GAREM1: variants seen among roughly 807,000 people sequenced by gnomAD.
GAREM1 encodes the protein GRB2-associated and regulator of MAPK protein 1.
Under a neutral mutation model 71.3 loss-of-function variants are expected in GAREM1, and 26 were observed. That is an observed-to-expected ratio of 0.36 (90% CI 0.27 to 0.51). The LOEUF (loss-of-function observed/expected upper bound fraction) is 0.51, where lower values mean the gene tolerates loss of function less well. Ranked by LOEUF, GAREM1 falls within the 20% of genes least tolerant of loss-of-function variation. GAREM1 has a pLI of 0.95. For missense variants in GAREM1, 1,026 were observed against 1,103.1 expected (o/e 0.93, Z 0.99); for synonymous variants, 440 against 433.2 (o/e 1.02, Z -0.20).
intron 4 of GAREM1, among the ~76,000 whole-genome samples, chr18:32,286,675 C>G (rs2047020864): frequency 1.3e-5 from 2 of 152,162 alleles, no homozygotes; most frequent in Admixed American, 1.3e-4. Flanking sequence ...CAGCCACTAC[C>G]AGCTGCCACG....
At chr18:32,360,407 T>C (rs1000738248) in intron 2 of GAREM1, among the ~76,000 whole-genome samples, 49 of 152,268 alleles carry the variant, frequency 3.2e-4, no homozygotes, top group Non-Finnish European at 6.0e-4. Context: ...CCAGTTCTCA[T>C]TTAAGAGGAA....
intron 3 of GAREM1, among the ~76,000 whole-genome samples, chr18:32,297,419 T>C (rs1034926159): frequency 1.3e-5 from 2 of 152,216 alleles, no homozygotes; most frequent in Non-Finnish European, 2.9e-5. Context: ...GCTTGGCACA[T>C]GGTAGGCTCT....
At chr18:32,431,127 T>A (rs1024215225) in intron 1 of GAREM1, among the ~76,000 whole-genome samples, 8 of 152,014 alleles carry the variant, frequency 5.3e-5, no homozygotes, top group African/African-American at 1.9e-4. Flanking sequence ...GGTTACTGAG[T>A]GGTGCACACA....
At chr18:32,346,586 G>C (rs1261664545) in intron 2 of GAREM1, among the ~76,000 whole-genome samples, 1 of 152,078 alleles carries the variant, frequency 6.6e-6, no homozygotes, top group African/African-American at 2.4e-5. Flanking sequence ...CAAAGGATTT[G>C]GGCTCTCCTT....
intron 1 of GAREM1, among the ~76,000 whole-genome samples, chr18:32,410,896 G>A (rs748769978): frequency 5.9e-5 from 9 of 152,082 alleles, no homozygotes; most frequent in Non-Finnish European, 1.0e-4. Context: ...TCCGTCTCCC[G>A]GGTTCAAGCG....
intron 2 of GAREM1, among the ~76,000 whole-genome samples, chr18:32,356,498 T>C (rs2047806973): frequency 6.6e-6 from 1 of 152,250 alleles, no homozygotes; most frequent in Admixed American, 6.5e-5. Context: ...TAATTATTTA[T>C]TATTCTGCTC....
At chr18:32,278,521 C>T (rs1270949687) in intron 4 of GAREM1, among the ~76,000 whole-genome samples, 2 of 152,126 alleles carry the variant, frequency 1.3e-5, no homozygotes, top group Admixed American at 6.5e-5. Flanking sequence ...ATTTTCTTCC[C>T]TAAAAAGCCA....
At chr18:32,304,137 T>C (rs749946419) in intron 3 of GAREM1, among the ~76,000 whole-genome samples, 2 of 151,288 alleles carry the variant, frequency 1.3e-5, no homozygotes, top group African/African-American at 4.9e-5. Flanking sequence ...CGAAACCCCA[T>C]CTCTACTAAA....
chr18:32,320,059 C>T (rs2047414989), intron 2 of GAREM1, among the ~76,000 whole-genome samples: 2 of 152,132 alleles, frequency 1.3e-5, no homozygotes, highest in South Asian at 4.1e-4. Context: ...AGGGTAAATG[C>T]ATTTTTATTC....
chr18:32,431,287 T>A (rs2048622019), intron 1 of GAREM1, among the ~76,000 whole-genome samples: 1 of 152,156 alleles, frequency 6.6e-6, no homozygotes, highest in Non-Finnish European at 1.5e-5. Flanking sequence ...TGGTCTAATA[T>A]TCATGCTATA....
chr18:32,272,494 C>T (rs2041476819), intron 4 of GAREM1, among the ~76,000 whole-genome samples: 1 of 152,144 alleles, frequency 6.6e-6, no homozygotes, highest in Non-Finnish European at 1.5e-5. Context: ...GCAGGCTTTC[C>T]CCTTGTGAGC....
At chr18:32,381,819 A>C (rs576951238) in intron 2 of GAREM1, among the ~76,000 whole-genome samples, 1 of 151,660 alleles carries the variant, frequency 6.6e-6, no homozygotes, top group Non-Finnish European at 1.5e-5. Context: ...TCTCCTAAAT[A>C]CTCCTTCCCC....
chr18:32,385,490 G>A (rs988624246), intron 2 of GAREM1, among the ~76,000 whole-genome samples: 12 of 151,932 alleles, frequency 7.9e-5, no homozygotes, highest in African/African-American at 2.9e-4. Context: ...GGGCTCCCCT[G>A]GAATCTCTTC....
At chr18:32,393,076 A>G in intron 1 of GAREM1, 41 bp from the exon 2 acceptor site, 1 of 1,588,750 alleles carries the variant, frequency 6.3e-7, no homozygotes, top group Non-Finnish European at 8.6e-7. Flanking sequence ...AGAATTCATA[A>G]TCTGCTTTCT....
chr18:32,301,618 C>G (rs2047203147), intron 3 of GAREM1, among the ~76,000 whole-genome samples: 1 of 152,228 alleles, frequency 6.6e-6, no homozygotes, highest in Admixed American at 6.5e-5. Flanking sequence ...GGCTCAGCAG[C>G]ACCAACTAGT....
At chr18:32,396,552 A>G (rs930214519) in intron 1 of GAREM1, among the ~76,000 whole-genome samples, 1 of 152,246 alleles carries the variant, frequency 6.6e-6, no homozygotes, top group Non-Finnish European at 1.5e-5. Context: ...AAGAAAGGGT[A>G]TCAGTGATTG....
chr18:32,282,303 G>A (rs1598926935), intron 4 of GAREM1, among the ~76,000 whole-genome samples: 1 of 152,182 alleles, frequency 6.6e-6, no homozygotes, highest in African/African-American at 2.4e-5. Flanking sequence ...GCGTGAGCCT[G>A]TAGTCCCAGC....
intron 1 of GAREM1, among the ~76,000 whole-genome samples, chr18:32,446,862 T>G (rs1208442117): frequency 4.6e-5 from 7 of 152,130 alleles, no homozygotes; most frequent in African/African-American, 1.7e-4. Flanking sequence ...ATCATAAAAC[T>G]CTCTGTGAGT....
chr18:32,401,190 A>G (rs1290892246), intron 1 of GAREM1, among the ~76,000 whole-genome samples: 1 of 151,802 alleles, frequency 6.6e-6, no homozygotes, highest in Admixed American at 6.6e-5. Flanking sequence ...TTGGGGGGAG[A>G]GGGGAGGGAT....
Sources: allele counts gnomAD v4.1 joint callset (sites outside exome capture counted in the v4.1 genomes callset), GRCh38; gene constraint gnomAD v4.1.1; transcripts MANE v1.5; gene names NCBI Gene and HGNC (gene_info 2026-07-23, HGNC 2026-07-21).